The following ESYT2 variants were observed in gnomAD, a reference collection of about 807,000 sequenced individuals.
ESYT2 encodes the protein extended synaptotagmin 2, also known as extended synaptotagmin-2.
ESYT2 carries 54 observed loss-of-function variants against 107.2 expected under a neutral mutation model. The observed-to-expected ratio is 0.50, with a 90% CI of 0.40 to 0.63. ESYT2 has a LOEUF of 0.63. Among genes scored for constraint, ESYT2 ranks in the 30% least tolerant of loss-of-function variants. The probability of loss-of-function intolerance (pLI) is 0.00; values close to 1 mark genes in which losing one functional copy is unlikely to be tolerated. For synonymous variants in ESYT2, 491 were observed against 434.1 expected (o/e 1.13, Z -1.63); for missense variants, 1,020 against 1,094.5 (o/e 0.93, Z 0.96).
chr7:158,801,646 T>TAAAAA (rs10625146), intron 1 of ESYT2, among the ~76,000 whole-genome samples: 143,217 of 151,992 alleles, frequency 0.94, 67,525 homozygotes, highest in Middle Eastern at 0.96. Context: ...TCTTTCAACT[T>TAAAAA]AAAGACTCAA....
rs1037325963 is a variant in ESYT2, at chr7:158,763,278, C to T, written c.1102-113G>A. The T allele has an allele frequency of 5.8e-5, 22 of 382,590 alleles. No individual in the cohort carries two copies. The African/African-American group carries it at 1.1e-3, about 19-fold the overall frequency. 23.7% of individuals were successfully genotyped at this position (382,590 alleles called of 1,614,324 possible). On this transcript the variant is annotated intron_variant, in intron 9 of 22. Coordinates refer to ENST00000275418, the MANE Select transcript of ESYT2 (RefSeq NM_001367773.1). ...CAGGTACTTTTCTCTGGTGGTAAAT[C>T]CTTATTTATTTATTTATTTATTTAT... is the stretch of plus-strand genomic sequence containing the variant.
intron 1 of ESYT2, among the ~76,000 whole-genome samples, chr7:158,803,594 TA>T (rs2129473704): frequency 6.6e-6 from 1 of 152,318 alleles, no homozygotes; most frequent in East Asian, 1.9e-4. Context: ...GAATATGAAT[TA>T]AAGTCAGCGC....
chr7:158,736,224 C>T (rs1053019416), intron 20 of ESYT2, among the ~76,000 whole-genome samples: 1 of 140,878 alleles, frequency 7.1e-6, no homozygotes, highest in Non-Finnish European at 1.5e-5. Flanking sequence ...CCCTGCACAA[C>T]CTCATCGGGC....
chr7:158,822,583 C>T (rs935251931), intron 1 of ESYT2, among the ~76,000 whole-genome samples: 2 of 151,256 alleles, frequency 1.3e-5, no homozygotes, highest in African/African-American at 4.9e-5. Flanking sequence ...GGCAACATAG[C>T]AAGACCTCGG....
chr7:158,756,388 C>T (rs1456442230), intron 13 of ESYT2, among the ~76,000 whole-genome samples: 1 of 152,162 alleles, frequency 6.6e-6, no homozygotes, highest in East Asian at 1.9e-4. Context: ...CAATTATCCA[C>T]TCCAGGAAGG....
At chr7:158,767,802 A>G in intron 7 of ESYT2, 28 bp from the exon 8 acceptor site, 1 of 1,598,938 alleles carries the variant, frequency 6.3e-7, no homozygotes, top group Non-Finnish European at 8.5e-7. Flanking sequence ...AAAAGAGCAA[A>G]CGGACTATCA....
rs766598041 is a variant in ESYT2, at chr7:158,748,191, T to C, written c.1644+3A>G. 6.2e-7 allele frequency: 1 copy of C among 1,612,890 alleles called. No homozygotes were observed. The highest frequency in any genetic ancestry group is 8.5e-7 in the Non-Finnish European group (1 of 1,179,434). On this transcript the variant is annotated splice_donor_region_variant and intron_variant, in intron 16 of 22. Transcript: ENST00000275418. ...AATTGGTTAAAAAATGCAAATAAAA[T>C]ACCTCAACTTCAAGGTCCTGGCGCT...
At chr7:158,763,291 T>C in intron 9 of ESYT2, 126 bp from the exon 10 acceptor site, 1 of 393,866 alleles carries the variant, frequency 2.5e-6, no homozygotes, top group Non-Finnish European at 4.2e-6. Context: ...TATTTATTTA[T>C]TTATTTATTT....
chr7:158,770,736 C>T (rs915996170), intron 7 of ESYT2, among the ~76,000 whole-genome samples: 5 of 151,952 alleles, frequency 3.3e-5, no homozygotes, highest in Non-Finnish European at 5.9e-5. Context: ...AGGATGGTCT[C>T]GATCTCCTGA....
intron 7 of ESYT2, among the ~76,000 whole-genome samples, chr7:158,772,767 A>G (rs1250501597): frequency 6.6e-6 from 1 of 152,048 alleles, no homozygotes; most frequent in Non-Finnish European, 1.5e-5. Context: ...ACTACGGAAT[A>G]ATGAAGGGAC....
chr7:158,805,577 A>G (rs1839801405), intron 1 of ESYT2, among the ~76,000 whole-genome samples: 1 of 152,216 alleles, frequency 6.6e-6, no homozygotes, highest in Non-Finnish European at 1.5e-5. Flanking sequence ...CAGTAAATAA[A>G]GCAATTGATC....
chr7:158,741,845 G>C lies in ESYT2; in HGVS notation c.1846C>G (p.Gln616Glu), dbSNP rs1282076640. 1.2e-6 allele frequency: 2 copies of C among 1,613,870 alleles called. No individual in the cohort carries two copies. The change falls in exon 18 of 23, where the codon CAA becomes GAA. Residue 616 changes from glutamine (Q) to glutamate (E), a missense_variant. Transcript: ENST00000275418. ...TTGGACACAGAGGGACGTTTGACTT[G>C]AGCTGAGTGTTGGTGGTCTGGAGGC... ...ERPPDHQHSA[Q>E]VKRPSVSKEG...
At chr7:158,805,807 C>T (rs561283715) in intron 1 of ESYT2, among the ~76,000 whole-genome samples, 4 of 152,336 alleles carry the variant, frequency 2.6e-5, no homozygotes, top group Non-Finnish European at 5.9e-5. Flanking sequence ...ACACTAATAT[C>T]CCTGAAGTTT....
Position 158,755,474 on chromosome 7 carries a change from G to A in ESYT2, c.1420-2631C>T, listed in dbSNP as rs564223495. Among the ~76,000 whole-genome samples, 89 of 152,294 alleles carry A rather than the reference G, an allele frequency of 5.8e-4. 1 individual carries two copies. The South Asian group carries it at 0.017, about 29-fold the overall frequency. ...TTCCTTTCTGCAAAAGGAAGCAGTT[G>A]TAGAATGGGAAAAAGCAACTTGGAA... On this transcript the variant is annotated intron_variant, in intron 13 of 22. Transcript: ENST00000275418.
chr7:158,756,492 T>C (rs1374975263), intron 13 of ESYT2, among the ~76,000 whole-genome samples: 2 of 152,190 alleles, frequency 1.3e-5, no homozygotes, highest in Admixed American at 1.3e-4. Context: ...TGAAGGCAAA[T>C]TTTTATTTAA....
In ESYT2 at chr7:158,797,949, C is replaced by T; in HGVS notation, c.500G>A (p.Gly167Asp). ...ACTTAAGAGAACACTGACCTGCTGG[C>T]CCACGTCGACCTTCGTGAAACTAAA... ...STFSFTKVDVGQQPLRINGVK... is the reference protein window; with the variant it reads ...STFSFTKVDVDQQPLRINGVK... Residue 167 changes from glycine to aspartate, a missense_variant, in exon 3 of 23, where the codon GGC (glycine) becomes GAC (aspartate). Transcript: ENST00000275418. 2 of 1,613,886 alleles carry T rather than the reference C, an allele frequency of 1.2e-6. No individual in the cohort carries two copies. Among genetic ancestry groups the T allele is most frequent in the Non-Finnish European group, 1.7e-6 (2 of 1,179,862 alleles).
In ESYT2 at chr7:158,738,368, C is replaced by G. The variant is rs539416865; in HGVS notation, c.2267+655G>C. Among the ~76,000 whole-genome samples, 1,128 of 150,252 alleles carry G rather than the reference C, an allele frequency of 7.5e-3. 27 individuals carry two copies. The highest frequency in any genetic ancestry group is 0.026 in the African/African-American group (1,064 of 40,706). The stretch of plus-strand genomic sequence containing the variant: ...AGACACACACACACACACACACACA[C>G]ACACACACACTCTTCCTGCTCTAGG... On this transcript the variant is annotated intron_variant, in intron 19 of 22. Coordinates refer to ENST00000275418, the MANE Select transcript of ESYT2 (RefSeq NM_001367773.1).
rs557394448 is a variant in ESYT2, at chr7:158,773,246, G to A, written c.803+95C>T. ...GAAGGCACCCATTCACCTGGCAGAC[G>A]CAGGTCTTAACCATTCTCACACTAT... On this transcript the variant is annotated intron_variant, in intron 7 of 22. Coordinates refer to ENST00000275418, the MANE Select transcript of ESYT2 (RefSeq NM_001367773.1). 1.9e-5 allele frequency: 25 copies of A among 1,341,320 alleles called. No homozygotes were observed. The South Asian group carries it at 2.0e-4, about 11-fold the overall frequency. 83.1% of individuals were successfully genotyped at this position (1,341,320 alleles called of 1,614,324 possible).
intron 1 of ESYT2, among the ~76,000 whole-genome samples, chr7:158,806,304 G>A (rs1331691365): frequency 6.6e-6 from 1 of 152,192 alleles, no homozygotes; most frequent in Non-Finnish European, 1.5e-5. Context: ...TTAAAAACTA[G>A]GTTGATCCCA....
Sources: gnomAD v4.1 joint callset for allele counts (sites outside exome capture counted in the v4.1 genomes callset) on GRCh38, gnomAD v4.1.1 for gene constraint, MANE v1.5 for transcripts, NCBI Gene and HGNC (gene_info 2026-07-23, HGNC 2026-07-21) for gene names.